Variants in LIN7A observed in about 807,000 individuals in gnomAD.
LIN7A encodes the protein lin-7 cell polarity scaffold A.
Under a neutral mutation model 29.8 loss-of-function variants are expected in LIN7A, and 25 were observed. That is an observed-to-expected ratio of 0.84 (90% CI 0.61 to 1.17). The LOEUF (loss-of-function observed/expected upper bound fraction) is 1.17, where lower values mean the gene tolerates loss of function less well. Among genes scored for constraint, LIN7A ranks in the 50% most tolerant of loss-of-function variants. The pLI, the probability that LIN7A is intolerant of heterozygous loss-of-function variation, is 0.00. For missense variants in LIN7A, 239 were observed against 287.0 expected, an observed-to-expected ratio of 0.83 and a Z score of 1.21; for synonymous variants, 118 against 107.5, an observed-to-expected ratio of 1.10 and a Z score of -0.60.
chr12:80,926,066 A>G, intron 1 of LIN7A, among the ~76,000 whole-genome samples: 1 of 151,844 alleles, frequency 6.6e-6, no homozygotes, highest in East Asian at 1.9e-4. Context: ...CTGTAATGTC[A>G]CCTCCTTGGA....
chr12:80,802,219 A>G (rs902062051), intron 5 of LIN7A, among the ~76,000 whole-genome samples: 3 of 152,136 alleles, frequency 2.0e-5, no homozygotes, highest in African/African-American at 7.2e-5. Flanking sequence ...GATTCCGCTT[A>G]TAAGTGAGAC....
intron 2 of LIN7A, among the ~76,000 whole-genome samples, chr12:80,883,465 G>A (rs918574412): frequency 6.6e-6 from 1 of 152,156 alleles, no homozygotes; most frequent in African/African-American, 2.4e-5. Flanking sequence ...AATTATTGAT[G>A]GTGGGATAAT....
chr12:80,876,810 T>TA (rs1480641904), intron 2 of LIN7A, among the ~76,000 whole-genome samples: 1 of 152,204 alleles, frequency 6.6e-6, no homozygotes, highest in Non-Finnish European at 1.5e-5. Context: ...GAAAACTGTT[T>TA]GACATAGTCT....
At position 80,825,511 on chromosome 12, in the gene LIN7A, C is replaced by T. The variant is rs148042224; in HGVS notation, c.484-13828G>A. On this transcript the variant is annotated intron_variant, in intron 4 of 5. Coordinates refer to ENST00000552864, the MANE Select transcript of LIN7A (RefSeq NM_004664.4). ...AAGTAACAAGGCCCACACTTCAAATCGTTTTCCCTGACTTTTATGACAGGT... is the reference window on the plus strand; with the variant it reads ...AAGTAACAAGGCCCACACTTCAAATTGTTTTCCCTGACTTTTATGACAGGT... Among the ~76,000 whole-genome samples the T allele has an allele frequency of 8.1e-3, 1,230 of 152,328 alleles. 10 individuals are homozygous for T. The highest frequency in any genetic ancestry group is 0.013 in the Non-Finnish European group (857 of 68,020).
intron 2 of LIN7A, among the ~76,000 whole-genome samples, chr12:80,881,486 A>G (rs1875033479): frequency 6.6e-6 from 1 of 152,212 alleles, no homozygotes; most frequent in Non-Finnish European, 1.5e-5. Flanking sequence ...GTGAAAAAAT[A>G]CATGCTACTC....
intron 5 of LIN7A, among the ~76,000 whole-genome samples, chr12:80,809,208 C>T (rs896942005): frequency 6.6e-6 from 1 of 152,118 alleles, no homozygotes; most frequent in African/African-American, 2.4e-5. Context: ...CCTCGTCATC[C>T]ACCCACCTCG....
chr12:80,839,603 T>C (rs1872722168), intron 4 of LIN7A, among the ~76,000 whole-genome samples: 1 of 152,222 alleles, frequency 6.6e-6, no homozygotes. Context: ...AAACTTTTTA[T>C]GTTTTCTCTT....
chr12:80,818,873 G>T (rs1871661363), intron 4 of LIN7A, among the ~76,000 whole-genome samples: 1 of 152,156 alleles, frequency 6.6e-6, no homozygotes, highest in South Asian at 2.1e-4. Flanking sequence ...ACAGAAAAAA[G>T]TGTTGGTTAG....
chr12:80,811,095 C>A (rs926595531), intron 5 of LIN7A, among the ~76,000 whole-genome samples: 3 of 152,108 alleles, frequency 2.0e-5, no homozygotes, highest in Admixed American at 6.6e-5. Context: ...GTGAGTGAGG[C>A]CTGGAATCCA....
At chr12:80,820,012 T>C (rs1871719809) in intron 4 of LIN7A, among the ~76,000 whole-genome samples, 1 of 152,208 alleles carries the variant, frequency 6.6e-6, no homozygotes, top group Non-Finnish European at 1.5e-5. Context: ...TGTTTAAAAC[T>C]ATCTAGGTGA....
At chr12:80,904,508 T>C (rs143700940) in intron 1 of LIN7A, among the ~76,000 whole-genome samples, 19 of 152,348 alleles carry the variant, frequency 1.2e-4, no homozygotes, top group African/African-American at 3.6e-4. Context: ...ATGAATTTTA[T>C]TATACACATA....
intron 1 of LIN7A, among the ~76,000 whole-genome samples, chr12:80,908,896 C>T (rs928089996): frequency 1.3e-5 from 2 of 151,736 alleles, no homozygotes; most frequent in Admixed American, 1.3e-4. Context: ...AATACAAATA[C>T]TTTATCGACA....
intron 2 of LIN7A, among the ~76,000 whole-genome samples, chr12:80,862,777 T>C (rs1266575407): frequency 6.6e-6 from 1 of 152,214 alleles, no homozygotes; most frequent in African/African-American, 2.4e-5. Flanking sequence ...TCATTACAAG[T>C]TGTTGTAACA....
At chr12:80,812,898 C>G (rs1871358275) in intron 4 of LIN7A, among the ~76,000 whole-genome samples, 1 of 151,956 alleles carries the variant, frequency 6.6e-6, no homozygotes. Flanking sequence ...GCAGAATGAG[C>G]AGTTGACATG....
chr12:80,829,181 C>A (rs564479662), intron 4 of LIN7A, among the ~76,000 whole-genome samples: 3 of 152,060 alleles, frequency 2.0e-5, no homozygotes, highest in Non-Finnish European at 4.4e-5. Flanking sequence ...AAAACAAAAG[C>A]AAAAATCCCT....
At chr12:80,879,276 G>A (rs1296642271) in intron 2 of LIN7A, among the ~76,000 whole-genome samples, 1 of 151,902 alleles carries the variant, frequency 6.6e-6, no homozygotes, top group Non-Finnish European at 1.5e-5. Context: ...AGGAGGGGGT[G>A]GGATAGAGAG....
At chr12:80,897,811 TA>T (rs372508379) in intron 1 of LIN7A, among the ~76,000 whole-genome samples, 1 of 151,664 alleles carries the variant, frequency 6.6e-6, no homozygotes, top group Non-Finnish European at 1.5e-5. Flanking sequence ...TCAAAAAAAA[TA>T]AAAAAAATTG....
At chr12:80,830,789 G>T (rs1010521893) in intron 4 of LIN7A, among the ~76,000 whole-genome samples, 3 of 151,998 alleles carry the variant, frequency 2.0e-5, no homozygotes, top group Admixed American at 1.3e-4. Flanking sequence ...TTAAAGACTT[G>T]GTGTTGACAC....
intron 2 of LIN7A, among the ~76,000 whole-genome samples, chr12:80,855,582 A>G (rs1378580004): frequency 6.6e-6 from 1 of 152,184 alleles, no homozygotes; most frequent in Admixed American, 6.6e-5. Context: ...ATATTAAGCC[A>G]TAATGTATTT....
Sources: gnomAD v4.1 joint callset for allele counts (sites outside exome capture counted in the v4.1 genomes callset) on GRCh38, gnomAD v4.1.1 for gene constraint, MANE v1.5 for transcripts, NCBI Gene and HGNC (gene_info 2026-07-23, HGNC 2026-07-21) for gene names.